Variants in ZFAND3 observed in about 807,000 individuals in gnomAD.
ZFAND3 encodes the protein zinc finger AN1-type containing 3, also known as AN1-type zinc finger protein 3.
In ZFAND3, 10 loss-of-function variants were observed where a neutral mutation model predicts 29.6. That is an observed-to-expected ratio of 0.34 (90% CI 0.21 to 0.57). The LOEUF (loss-of-function observed/expected upper bound fraction) is 0.57. Among genes scored for constraint, ZFAND3 ranks in the 20% least tolerant of loss-of-function variants. The pLI, the probability that ZFAND3 is intolerant of heterozygous loss-of-function variation, is 0.86. For synonymous variants in ZFAND3, 128 were observed against 112.6 expected (o/e 1.14, Z -0.87); for missense variants, 230 against 304.5 (o/e 0.76, Z 1.82).
At chr6:37,842,597 A>G (rs1022611105) in intron 1 of ZFAND3, among the ~76,000 whole-genome samples, 1 of 152,176 alleles carries the variant, frequency 6.6e-6, no homozygotes, top group African/African-American at 2.4e-5. Flanking sequence ...TTTTTAAATA[A>G]TAATAATAGT....
At position 37,892,439 on chromosome 6, in the gene ZFAND3, A is replaced by T. The variant is rs533975800; in HGVS notation, c.72-37520A>T. On this transcript the variant is annotated intron_variant, in intron 1 of 5. Coordinates refer to ENST00000287218, the MANE Select transcript of ZFAND3 (RefSeq NM_021943.3). ...AGTGAGATGCTCTTAAACATTTTTT[A>T]AAAAATGTATTGGATGGAGCTTAAG... Among the ~76,000 whole-genome samples, 61 of 152,272 alleles carry T rather than the reference A, an allele frequency of 4.0e-4. 1 individual carries two copies. In the East Asian group the frequency reaches 4.8e-3, roughly 12 times the overall value.
intron 4 of ZFAND3, among the ~76,000 whole-genome samples, chr6:38,090,165 C>T (rs531376067): frequency 2.6e-5 from 4 of 152,226 alleles, no homozygotes; most frequent in East Asian, 3.9e-4. Flanking sequence ...GAGGTAGCTT[C>T]GGGTGTGAGT....
intron 2 of ZFAND3, among the ~76,000 whole-genome samples, chr6:37,995,834 CAGTG>C (rs1762840019): frequency 6.6e-6 from 1 of 152,012 alleles, no homozygotes; most frequent in African/African-American, 2.4e-5. Flanking sequence ...AAATTTAAAA[CAGTG>C]AGACTTGGCC....
At chr6:38,105,041 GT>G (rs1554181311) in intron 4 of ZFAND3, among the ~76,000 whole-genome samples, 1 of 152,208 alleles carries the variant, frequency 6.6e-6, no homozygotes, top group Non-Finnish European at 1.5e-5. Flanking sequence ...CAATGCCTCA[GT>G]TTCCTCATGT....
At chr6:38,107,857 C>G (rs890818914) in intron 4 of ZFAND3, among the ~76,000 whole-genome samples, 4 of 151,352 alleles carry the variant, frequency 2.6e-5, no homozygotes, top group African/African-American at 9.7e-5. Flanking sequence ...CCATTGATTG[C>G]TTGATTGATT....
intron 2 of ZFAND3, among the ~76,000 whole-genome samples, chr6:38,040,710 A>G (rs1763743666): frequency 6.6e-6 from 1 of 152,202 alleles, no homozygotes; most frequent in Non-Finnish European, 1.5e-5. Context: ...GTTTGTATGT[A>G]CACACACCCA....
At chr6:38,019,927 C>T (rs1057471387) in intron 2 of ZFAND3, among the ~76,000 whole-genome samples, 1 of 152,054 alleles carries the variant, frequency 6.6e-6, no homozygotes, top group Non-Finnish European at 1.5e-5. Flanking sequence ...AGTATGGTGG[C>T]CAGGCTGGTC....
intron 1 of ZFAND3, among the ~76,000 whole-genome samples, chr6:37,871,195 A>G (rs928135411): frequency 3.3e-5 from 5 of 152,186 alleles, no homozygotes; most frequent in African/African-American, 1.2e-4. Flanking sequence ...TGTGTTGTTC[A>G]GATTGAATAG....
intron 2 of ZFAND3, among the ~76,000 whole-genome samples, chr6:37,965,474 C>T (rs1028211071): frequency 6.6e-6 from 1 of 152,120 alleles, no homozygotes; most frequent in African/African-American, 2.4e-5. Flanking sequence ...ATATCCATTT[C>T]TTGACCCGGA....
intron 1 of ZFAND3, among the ~76,000 whole-genome samples, chr6:37,848,203 G>A (rs572095907): frequency 6.6e-6 from 1 of 152,332 alleles, no homozygotes; most frequent in East Asian, 1.9e-4. Flanking sequence ...CCTGGATTGG[G>A]CACTCAAGTT....
intron 2 of ZFAND3, among the ~76,000 whole-genome samples, chr6:37,996,290 C>T (rs1180625643): frequency 6.6e-6 from 1 of 152,124 alleles, no homozygotes; most frequent in African/African-American, 2.4e-5. Context: ...TATTTCTCTT[C>T]AGCATTATTA....
intron 2 of ZFAND3, among the ~76,000 whole-genome samples, chr6:37,989,516 A>G (rs1458153664): frequency 6.6e-6 from 1 of 152,168 alleles, no homozygotes; most frequent in African/African-American, 2.4e-5. Context: ...TAAGAACTCT[A>G]CCTTCATGAC....
chr6:37,843,990 T>G (rs558681371), intron 1 of ZFAND3, among the ~76,000 whole-genome samples: 62 of 152,116 alleles, frequency 4.1e-4, no homozygotes, highest in Non-Finnish European at 7.2e-4. Flanking sequence ...TGATCTTGGC[T>G]CACTGTCACC....
Position 37,889,948 on chromosome 6 carries a change from C to CGT in ZFAND3, c.72-40008_72-40007dup, listed in dbSNP as rs1192235556. 2.6e-5 allele frequency among the ~76,000 whole-genome samples: 4 copies of CGT among 152,132 alleles called. No homozygotes were observed. The East Asian group carries it at 7.7e-4, about 29-fold the overall frequency. ...AGTAAAATAATTTGACATGTTAAGA[C>CGT]GTGTTCCATCCATCTTCAGGGTACT... is the stretch of plus-strand genomic sequence containing the variant. On this transcript the variant is annotated intron_variant, in intron 1 of 5. Transcript: ENST00000287218.
chr6:37,881,142 A>G (rs1764888240), intron 1 of ZFAND3, among the ~76,000 whole-genome samples: 2 of 151,950 alleles, frequency 1.3e-5, no homozygotes, highest in South Asian at 4.1e-4. Flanking sequence ...TGCAATCTAT[A>G]CTTACTGCAG....
intron 4 of ZFAND3, among the ~76,000 whole-genome samples, chr6:38,109,050 G>A (rs991066158): frequency 2.0e-5 from 3 of 151,654 alleles, no homozygotes; most frequent in Non-Finnish European, 4.4e-5. Flanking sequence ...CTCAACACTC[G>A]TATTCAGCAT....
intron 1 of ZFAND3, among the ~76,000 whole-genome samples, chr6:37,861,981 A>G (rs2127384142): frequency 6.6e-6 from 1 of 152,354 alleles, no homozygotes; most frequent in South Asian, 2.1e-4. Flanking sequence ...TGCAAATGGA[A>G]TAATTGATTC....
chr6:37,953,773 G>A (rs1349079339), intron 2 of ZFAND3, among the ~76,000 whole-genome samples: 2 of 152,036 alleles, frequency 1.3e-5, no homozygotes, highest in Non-Finnish European at 1.5e-5. Context: ...ATCTTTTAAA[G>A]AGATTTAATT....
intron 4 of ZFAND3, among the ~76,000 whole-genome samples, chr6:38,098,196 A>G (rs972826604): frequency 2.8e-4 from 42 of 152,010 alleles, no homozygotes; most frequent in South Asian, 2.1e-4. Context: ...CGAGTAGCTT[A>G]GGACTACAAG....
Sources: allele counts gnomAD v4.1 joint callset (sites outside exome capture counted in the v4.1 genomes callset), GRCh38; gene constraint gnomAD v4.1.1; transcripts MANE v1.5; gene names NCBI Gene and HGNC (gene_info 2026-07-23, HGNC 2026-07-21).